The following LAMC1 variants were observed in gnomAD, a reference collection of about 807,000 sequenced individuals.
The protein encoded by LAMC1 is laminin subunit gamma 1.
A neutral mutation model predicts 173.6 loss-of-function variants in LAMC1; 38 were observed. The ratio of observed to expected loss-of-function variants is 0.22; its 90% CI spans 0.17 to 0.29. LAMC1 has a LOEUF of 0.29. Among genes scored for constraint, LAMC1 ranks in the 10% least tolerant of loss-of-function variants. The probability of loss-of-function intolerance (pLI) is 1.00; values close to 1 mark genes in which losing one functional copy is unlikely to be tolerated. For missense variants in LAMC1, 1,824 were observed against 2,051.8 expected (o/e 0.89, Z 2.14); for synonymous variants, 746 against 749.1 (o/e 1.00, Z 0.07).
At position 183,128,588 on chromosome 1, in the gene LAMC1, G is replaced by A; in HGVS notation, c.3124-6G>A. 1.9e-6 allele frequency: 3 copies of A among 1,599,988 alleles called. No individual in the cohort carries two copies. The highest frequency in any genetic ancestry group is 2.6e-6 in the Non-Finnish European group (3 of 1,171,492). On this transcript the variant is annotated splice_polypyrimidine_tract_variant and splice_region_variant and intron_variant, in intron 17 of 27. Coordinates refer to ENST00000258341, the MANE Select transcript of LAMC1 (RefSeq NM_002293.4). ...CCTTTCCCTTTTCTTTCTTCTTTAT[G>A]TTTAGGTTGCTGATCATAGAGTGAA...
chr1:183,062,519 G>T (rs1654767458), intron 1 of LAMC1, among the ~76,000 whole-genome samples: 1 of 152,158 alleles, frequency 6.6e-6, no homozygotes, highest in African/African-American at 2.4e-5. Flanking sequence ...GGGCGTGGTG[G>T]GGCGTGCCTG....
intron 6 of LAMC1, 54 bp downstream of exon 6, chr1:183,115,691 C>T: frequency 8.8e-7 from 1 of 1,134,086 alleles, no homozygotes; most frequent in Non-Finnish European, 1.3e-6. Flanking sequence ...ATAGTCAACA[C>T]ATATTAATAG....
At position 183,142,998 on chromosome 1, in the gene LAMC1, T is replaced by C. The variant is rs1657157624; in HGVS notation, c.*208T>C. On this transcript the variant is annotated 3_prime_UTR_variant, in exon 28 of 28. Transcript: ENST00000258341. ...GAACAAAGGGTTTTATCTAATAAAG[T>C]GTCTCTTCCATTCACGTTGCTACCT... The C allele has an allele frequency of 3.7e-6, 2 of 541,604 alleles. No homozygotes were observed. Among genetic ancestry groups the C allele is most frequent in the Non-Finnish European group, 6.4e-6 (2 of 310,506 alleles). 33.5% of individuals were successfully genotyped at this position (541,604 alleles called of 1,614,324 possible).
At chr1:183,101,167 A>G (rs933965403) in intron 1 of LAMC1, among the ~76,000 whole-genome samples, 10 of 152,132 alleles carry the variant, frequency 6.6e-5, no homozygotes, top group Non-Finnish European at 1.5e-4. Flanking sequence ...AAATAGAGAA[A>G]GAAGGATAAT....
intron 25 of LAMC1, among the ~76,000 whole-genome samples, chr1:183,137,277 C>G (rs1656971437): frequency 2.6e-5 from 4 of 152,082 alleles, no homozygotes; most frequent in African/African-American, 9.7e-5. Context: ...AAGAATGAAC[C>G]AAGCTAGCTT....
intron 20 of LAMC1, 37 bp downstream of exon 20, chr1:183,131,415 G>T (rs1345385260): frequency 2.5e-6 from 3 of 1,218,272 alleles, no homozygotes; most frequent in East Asian, 2.7e-5. Context: ...TTAAGTTGTG[G>T]CTTCTGTTAT....
At chr1:183,042,214 A>G (rs1654154814) in intron 1 of LAMC1, among the ~76,000 whole-genome samples, 1 of 152,164 alleles carries the variant, frequency 6.6e-6, no homozygotes, top group Non-Finnish European at 1.5e-5. Context: ...CCTGGAAATA[A>G]TCTGGGATCC....
chr1:183,031,913 A>G (rs1653859003), intron 1 of LAMC1, among the ~76,000 whole-genome samples: 1 of 151,204 alleles, frequency 6.6e-6, no homozygotes. Context: ...ATAATTTAAA[A>G]ATAAGAAAAA....
intron 18 of LAMC1, among the ~76,000 whole-genome samples, chr1:183,129,881 T>C (rs1558058258): frequency 6.6e-6 from 1 of 152,162 alleles, no homozygotes; most frequent in Non-Finnish European, 1.5e-5. Flanking sequence ...AAATACAAAA[T>C]GAGTTTAATT....
rs10797852 is a variant in LAMC1 at position 183,132,167 on chromosome 1, C to T, written c.3567-233C>T. Among the ~76,000 whole-genome samples the T allele has an allele frequency of 0.52, 78,768 of 151,944 alleles. 21,106 individuals carry two copies. The highest frequency in any genetic ancestry group is 0.65 in the South Asian group (3,141 of 4,822). On this transcript the variant is annotated intron_variant, in intron 20 of 27. Transcript: ENST00000258341. ...GCATTAGCTGGGCATGGTGTGTATG[C>T]GTGTAATACCAGCTACTCAGGAGAC... is the stretch of plus-strand genomic sequence containing the variant.
At chr1:183,137,852 C>T (rs1207150006) in intron 26 of LAMC1, 25 bp downstream of exon 26, 2 of 1,574,382 alleles carry the variant, frequency 1.3e-6, no homozygotes, top group African/African-American at 1.4e-5. Context: ...TATATTTGCT[C>T]ATTGGCAGAA....
chr1:183,026,062 A>G (rs1393892606), intron 1 of LAMC1, among the ~76,000 whole-genome samples: 1 of 152,226 alleles, frequency 6.6e-6, no homozygotes. Context: ...GTCAAAAGAG[A>G]TCTTAGAGTT....
intron 24 of LAMC1, 141 bp downstream of exon 24, chr1:183,135,297 C>T: frequency 3.2e-6 from 2 of 628,378 alleles, no homozygotes; most frequent in East Asian, 5.5e-5. Flanking sequence ...AGGGAAATCC[C>T]AGAGCTCCTG....
chr1:183,027,743 T>C (rs1388950766), intron 1 of LAMC1, among the ~76,000 whole-genome samples: 2 of 152,252 alleles, frequency 1.3e-5, no homozygotes, highest in African/African-American at 2.4e-5. Flanking sequence ...ATAATTGATA[T>C]ATAAGGCTAT....
intron 11 of LAMC1, among the ~76,000 whole-genome samples, chr1:183,120,690 G>C (rs917584831): frequency 6.6e-6 from 1 of 152,196 alleles, no homozygotes; most frequent in Non-Finnish European, 1.5e-5. Context: ...CACTGGATTG[G>C]ATGAACCATT....
chr1:183,038,384 G>A (rs997369937), intron 1 of LAMC1, among the ~76,000 whole-genome samples: 1 of 152,150 alleles, frequency 6.6e-6, no homozygotes, highest in Non-Finnish European at 1.5e-5. Flanking sequence ...AGAGTGGGTG[G>A]CACCCTGTGC....
intron 21 of LAMC1, among the ~76,000 whole-genome samples, chr1:183,132,994 T>C (rs1656839222): frequency 6.6e-6 from 1 of 152,170 alleles, no homozygotes; most frequent in Admixed American, 6.5e-5. Flanking sequence ...CACTGCATCC[T>C]CTGCCTCCCG....
chr1:183,064,738 G>T (rs965796917), intron 1 of LAMC1, among the ~76,000 whole-genome samples: 3 of 152,116 alleles, frequency 2.0e-5, no homozygotes, highest in Non-Finnish European at 4.4e-5. Flanking sequence ...ACATACTTTT[G>T]TACTGTATCG....
intron 21 of LAMC1, 135 bp from the exon 22 acceptor site, chr1:183,133,257 CAAAATGTTGGTATT>C: frequency 4.3e-6 from 3 of 705,420 alleles, no homozygotes; most frequent in Non-Finnish European, 7.2e-6. Flanking sequence ...TGTAAATATG[CAAAATGTTGGTATT>C]AAAATGCAAG....
Sources: allele counts gnomAD v4.1 joint callset (sites outside exome capture counted in the v4.1 genomes callset), GRCh38; gene constraint gnomAD v4.1.1; transcripts MANE v1.5; gene names NCBI Gene and HGNC (gene_info 2026-07-23, HGNC 2026-07-21).